ULK4: variants seen among roughly 807,000 people sequenced by gnomAD.
ULK4 encodes the protein inactive serine/threonine-protein kinase ULK4.
Under a neutral mutation model 160.6 loss-of-function variants are expected in ULK4, and 133 were observed. That is an observed-to-expected ratio of 0.83 (90% confidence interval 0.72 to 0.96). The LOEUF is 0.96. ULK4 is among the 40% of genes least tolerant of loss of function. The pLI is 0.00. For synonymous variants in ULK4, 534 were observed against 539.8 expected, an observed-to-expected ratio of 0.99 and a Z score of 0.15; for missense variants, 1,580 against 1,499.5, an observed-to-expected ratio of 1.05 and a Z score of -0.89.
At chr3:41,613,451 T>A (rs1370130) in intron 31 of ULK4, among the ~76,000 whole-genome samples, 1 of 151,878 alleles carries the variant, frequency 6.6e-6, no homozygotes, top group African/African-American at 2.4e-5. Flanking sequence ...GTCAACTGGC[T>A]GAAAGCAATG....
chr3:41,861,367 G>A (rs2042493823), intron 17 of ULK4, among the ~76,000 whole-genome samples: 1 of 152,100 alleles, frequency 6.6e-6, no homozygotes, highest in African/African-American at 2.4e-5. Context: ...GTTTGTCTGG[G>A]AGAGTCTTTA....
rs11712364 is a variant in ULK4 at position 41,816,591 on chromosome 3, G to A, written c.1848+2832C>T. Among the ~76,000 whole-genome samples the A allele has an allele frequency of 4.9e-3, 744 of 152,240 alleles. 3 individuals carry two copies. The highest frequency in any genetic ancestry group is 8.6e-3 in the Non-Finnish European group (585 of 68,008). ...CAACTCTGGGAGGCCGAGGGAGGTG[G>A]ATTCCTAGAGCCTATGAGTTCAAGA... is the stretch of plus-strand genomic sequence containing the variant. On this transcript the variant is annotated intron_variant, in intron 19 of 36. Coordinates refer to ENST00000301831, the MANE Select transcript of ULK4 (RefSeq NM_017886.4).
At chr3:41,385,657 T>C (rs1449948669) in intron 35 of ULK4, among the ~76,000 whole-genome samples, 1 of 152,240 alleles carries the variant, frequency 6.6e-6, no homozygotes, top group Non-Finnish European at 1.5e-5. Context: ...AGATTTGTTA[T>C]TCTGTTCTAT....
At chr3:41,487,488 A>G (rs1002282958) in intron 32 of ULK4, among the ~76,000 whole-genome samples, 11 of 152,200 alleles carry the variant, frequency 7.2e-5, no homozygotes, top group Non-Finnish European at 1.0e-4. Context: ...TGATTCCAAT[A>G]CAGGAATTAA....
chr3:41,384,602 C>T (rs867671246), intron 35 of ULK4, among the ~76,000 whole-genome samples: 3 of 151,846 alleles, frequency 2.0e-5, no homozygotes, highest in African/African-American at 4.8e-5. Flanking sequence ...AATTTTTTTT[C>T]GAGACAGAGT....
At chr3:41,579,484 T>C (rs1018316294) in intron 31 of ULK4, among the ~76,000 whole-genome samples, 2 of 103,508 alleles carry the variant, frequency 1.9e-5, no homozygotes, top group African/African-American at 3.8e-5. Flanking sequence ...CTGGAACTAA[T>C]ATTTTTTTTT....
At chr3:41,834,451 T>C (rs949616750) in intron 18 of ULK4, among the ~76,000 whole-genome samples, 1 of 152,112 alleles carries the variant, frequency 6.6e-6, no homozygotes, top group Non-Finnish European at 1.5e-5. Flanking sequence ...ACATAATCAG[T>C]GTAGTTTTTA....
chr3:41,612,415 G>A (rs527878521), intron 31 of ULK4, among the ~76,000 whole-genome samples: 7 of 152,116 alleles, frequency 4.6e-5, no homozygotes, highest in South Asian at 2.1e-4. Flanking sequence ...ACCTACCTTC[G>A]TAACAGCTCC....
rs200287989 is a variant in ULK4, at chr3:41,356,596, A to AT, written c.3678+41482dup. Among the ~76,000 whole-genome samples, 1,032 of 152,098 alleles carry AT rather than the reference A, an allele frequency of 6.8e-3. 8 individuals are homozygous for AT. The highest frequency in any genetic ancestry group is 0.023 in the African/African-American group (957 of 41,480). The stretch of plus-strand genomic sequence containing the variant: ...AGTATGATTCCTTTTTCTAAGATAT[A>AT]TTTTTTTTAACATTTTCACTCATTG... On this transcript the variant is annotated intron_variant, in intron 35 of 36. Transcript: ENST00000301831.
chr3:41,387,231 G>C (rs1197991083), intron 35 of ULK4, among the ~76,000 whole-genome samples: 3 of 152,024 alleles, frequency 2.0e-5, no homozygotes, highest in African/African-American at 7.2e-5. Flanking sequence ...TCTTTGTGTT[G>C]AAAATGTTCA....
chr3:41,542,942 A>G (rs549062017), intron 32 of ULK4, among the ~76,000 whole-genome samples: 6 of 152,212 alleles, frequency 3.9e-5, no homozygotes, highest in South Asian at 2.1e-4. Flanking sequence ...CCAATCTTCT[A>G]TGGACAGGAA....
At chr3:41,865,387 T>TTTC in intron 17 of ULK4, among the ~76,000 whole-genome samples, 1 of 151,754 alleles carries the variant, frequency 6.6e-6, no homozygotes, top group East Asian at 1.9e-4. Context: ...ATCTCAAATT[T>TTTC]TTCTTTGTGA....
intron 35 of ULK4, among the ~76,000 whole-genome samples, chr3:41,388,200 C>T (rs749698781): frequency 3.3e-5 from 5 of 152,208 alleles, no homozygotes; most frequent in South Asian, 2.1e-4. Context: ...TCATATCCTT[C>T]ACCCACTTGT....
At chr3:41,564,406 C>T (rs1170135807) in intron 32 of ULK4, among the ~76,000 whole-genome samples, 1 of 150,816 alleles carries the variant, frequency 6.6e-6, no homozygotes, top group Non-Finnish European at 1.5e-5. Flanking sequence ...AGAACCACTG[C>T]TCTCTTCACA....
intron 21 of ULK4, among the ~76,000 whole-genome samples, chr3:41,772,320 T>C (rs1231002582): frequency 6.6e-6 from 1 of 151,952 alleles, no homozygotes; most frequent in Non-Finnish European, 1.5e-5. Flanking sequence ...GATAGACTGC[T>C]AGCAAGACTA....
At chr3:41,826,328 T>C (rs2041350089) in intron 18 of ULK4, among the ~76,000 whole-genome samples, 2 of 152,042 alleles carry the variant, frequency 1.3e-5, no homozygotes, top group Admixed American at 1.3e-4. Context: ...TAAATGTAAA[T>C]GGGCTAAATG....
At chr3:41,951,330 T>C (rs956727077) in intron 2 of ULK4, among the ~76,000 whole-genome samples, 3 of 149,458 alleles carry the variant, frequency 2.0e-5, no homozygotes, top group East Asian at 2.0e-4. Context: ...TTTGTGGGAC[T>C]AGAAAAATCT....
At chr3:41,300,719 G>C (rs1008125826) in intron 35 of ULK4, among the ~76,000 whole-genome samples, 2 of 151,322 alleles carry the variant, frequency 1.3e-5, no homozygotes, top group Admixed American at 1.3e-4. Context: ...ACACTATGGG[G>C]ATACCGTCCT....
intron 31 of ULK4, among the ~76,000 whole-genome samples, chr3:41,615,326 C>A (rs943346759): frequency 6.6e-6 from 1 of 152,196 alleles, no homozygotes; most frequent in African/African-American, 2.4e-5. Flanking sequence ...CCAGAAAATT[C>A]ATACTGAAGT....
Sources: allele counts gnomAD v4.1 joint callset (sites outside exome capture counted in the v4.1 genomes callset), GRCh38; gene constraint gnomAD v4.1.1; transcripts MANE v1.5; gene names NCBI Gene and HGNC (gene_info 2026-07-23, HGNC 2026-07-21).